ARHGEF11: variants seen among roughly 807,000 people sequenced by gnomAD.
The protein encoded by ARHGEF11 is Rho guanine exchange factor (GEF) 11.
In ARHGEF11, 55 loss-of-function variants were observed where a neutral mutation model predicts 193.7. The ratio of observed to expected loss-of-function variants is 0.28; its 90% confidence interval spans 0.23 to 0.36. The LOEUF (loss-of-function observed/expected upper bound fraction) is 0.36. Ranked by LOEUF, ARHGEF11 falls within the 10% of genes least tolerant of loss-of-function variation. ARHGEF11 has a pLI of 1.00. For synonymous variants in ARHGEF11, 693 were observed against 768.0 expected, an observed-to-expected ratio of 0.90 and a Z score of 1.62; for missense variants, 1,723 against 2,005.6, an observed-to-expected ratio of 0.86 and a Z score of 2.69.
At chr1:157,040,576 T>TC (rs1338328271) in intron 1 of ARHGEF11, among the ~76,000 whole-genome samples, 1 of 152,218 alleles carries the variant, frequency 6.6e-6, no homozygotes. Flanking sequence ...GTAACCCTTC[T>TC]CTTCTCACAT....
intron 4 of ARHGEF11, among the ~76,000 whole-genome samples, 196 bp from the exon 5 acceptor site, chr1:156,979,482 A>T (rs1464664756): frequency 6.8e-6 from 1 of 147,670 alleles, no homozygotes. Context: ...CTCCTGCCTC[A>T]GCCTCCTGAG....
chr1:156,948,579 C>T lies in ARHGEF11; in HGVS notation c.1926-81G>A. The T allele has an allele frequency of 1.2e-6, 2 of 1,612,186 alleles. No homozygotes were observed. The highest frequency in any genetic ancestry group is 1.7e-6 in the Non-Finnish European group (2 of 1,179,608). ...CATCCTGGCTAACTCTTACCTGTGG[C>T]TCCATCTCAAAGATGCCTCCGTGCC... On this transcript the variant is annotated intron_variant, in intron 22 of 40. Transcript: ENST00000368194. The surrounding 1 kb of genome is among the most constrained non-coding windows in gnomAD (Gnocchi z 4.2).
intron 31 of ARHGEF11, 98 bp downstream of exon 31, chr1:156,944,260 C>T: frequency 1.4e-6 from 2 of 1,463,012 alleles, no homozygotes; most frequent in Non-Finnish European, 1.9e-6. Flanking sequence ...CCTGAGCTAT[C>T]ACCTCCAGTC....
Position 157,045,640 on chromosome 1 carries a change from C to G in ARHGEF11, c.-1310G>C, listed in dbSNP as rs939317499. ...CTCCCGGCGCCGCTCGCCCCGCGCC[C>G]GACCGCCGTGTTCCGGCCTTCGCGG... On this transcript the variant is annotated 5_prime_UTR_variant, in exon 1 of 41. Coordinates refer to ENST00000368194, the MANE Select transcript of ARHGEF11 (RefSeq NM_198236.3). Among the ~76,000 whole-genome samples, 41 of 151,018 alleles carry G rather than the reference C, an allele frequency of 2.7e-4. No individual in the cohort carries two copies. The highest frequency in any genetic ancestry group is 5.5e-4 in the Non-Finnish European group (37 of 67,688).
At chr1:156,938,101 C>A (rs1557814001) in intron 38 of ARHGEF11, among the ~76,000 whole-genome samples, 1 of 152,196 alleles carries the variant, frequency 6.6e-6, no homozygotes, top group Non-Finnish European at 1.5e-5. Flanking sequence ...GAAGTGGCTG[C>A]TTGCATATCA....
chr1:156,942,111 C>A (rs867574217), intron 33 of ARHGEF11, 122 bp from the exon 34 acceptor site: 2 of 1,442,732 alleles, frequency 1.4e-6, no homozygotes, highest in African/African-American at 1.4e-5. Flanking sequence ...TGGCAGGTGC[C>A]CACCTCCCTG....
chr1:157,004,586 G>A (rs1384027834), intron 1 of ARHGEF11, among the ~76,000 whole-genome samples: 2 of 152,168 alleles, frequency 1.3e-5, no homozygotes, highest in Non-Finnish European at 2.9e-5. Context: ...ATAGCCGAGA[G>A]AGATGCAATG....
intron 35 of ARHGEF11, 84 bp downstream of exon 35, chr1:156,941,287 TC>T (rs1656835850): frequency 5.4e-6 from 7 of 1,304,092 alleles, no homozygotes; most frequent in Non-Finnish European, 7.8e-6. Context: ...TGATGGACTC[TC>T]CCATCGCCCC....
At chr1:156,980,313 C>T in intron 4 of ARHGEF11, 124 bp downstream of exon 4, 1 of 1,161,540 alleles carries the variant, frequency 8.6e-7, no homozygotes, top group South Asian at 1.4e-5. Context: ...GGTACCACTC[C>T]TAACTCAGTG....
chr1:157,030,505 G>A (rs1671167954), intron 1 of ARHGEF11, among the ~76,000 whole-genome samples: 1 of 152,088 alleles, frequency 6.6e-6, no homozygotes. Flanking sequence ...GAAAAACTTG[G>A]GGGACTTGAC....
chr1:156,996,948 A>G lies in ARHGEF11; in HGVS notation c.33-10775T>C, dbSNP rs532580430. On this transcript the variant is annotated intron_variant, in intron 1 of 40. Coordinates refer to ENST00000368194, the MANE Select transcript of ARHGEF11 (RefSeq NM_198236.3). ...ATGATAATAGTTCACTGAAACCTCC[A>G]GTTCCTGGTCTTATCTGATCCTTCC... Among the ~76,000 whole-genome samples the G allele has an allele frequency of 6.7e-4, 97 of 144,672 alleles. No homozygotes were observed. In the Middle Eastern group the frequency reaches 0.018, roughly 27 times the overall value. The allele number at this position is 144,672 out of a possible 152,430, so 94.9% of individuals were successfully genotyped here.
intron 2 of ARHGEF11, chr1:156,985,840 G>A: frequency 2.5e-6 from 1 of 404,818 alleles, no homozygotes; most frequent in South Asian, 2.9e-5. Context: ...TGGGTGTTCT[G>A]ACCTGCTCCA....
chr1:156,961,480 T>C (rs1387807026), intron 14 of ARHGEF11, among the ~76,000 whole-genome samples, 197 bp downstream of exon 14: 1 of 152,198 alleles, frequency 6.6e-6, no homozygotes, highest in African/African-American at 2.4e-5. Context: ...GTGTATTCTA[T>C]ATGTGGAACA....
intron 1 of ARHGEF11, among the ~76,000 whole-genome samples, chr1:157,016,344 C>T (rs191558613): frequency 0.013 from 1,966 of 151,200 alleles, 39 homozygotes; most frequent in African/African-American, 0.046. Flanking sequence ...CTCAGCCTCC[C>T]GAGTAGCTGG....
At chr1:157,046,013 C>T (rs1346397085), upstream of ARHGEF11, among the ~76,000 whole-genome samples, 1 of 151,092 alleles carries the variant, frequency 6.6e-6, no homozygotes, top group African/African-American at 2.4e-5. Context: ...GCGGCCGCGA[C>T]TCCCGCCGAC....
At position 156,951,572 on chromosome 1, in the gene ARHGEF11, C is replaced by A; in HGVS notation, c.1925+1G>T. 6.2e-7 allele frequency: 1 copy of A among 1,613,832 alleles called. No individual in the cohort carries two copies. The highest frequency in any genetic ancestry group is 8.5e-7 in the Non-Finnish European group (1 of 1,179,952). ...GGCGAGTCCCATCCAGCCAGTGCTA[C>A]CTGTCACTCTCCAGCAGGTCCTCAG... On this transcript the variant is annotated splice_donor_variant, in intron 22 of 40. Coordinates refer to ENST00000368194, the MANE Select transcript of ARHGEF11 (RefSeq NM_198236.3). LOFTEE classifies it high-confidence loss of function.
chr1:157,038,893 C>A (rs931521092), intron 1 of ARHGEF11, among the ~76,000 whole-genome samples: 1 of 152,072 alleles, frequency 6.6e-6, no homozygotes, highest in African/African-American at 2.4e-5. Context: ...GTGGCACATG[C>A]CTGTAATGCC....
At chr1:157,013,299 A>ACACACACACACACACACACCCC (rs534893600) in intron 1 of ARHGEF11, among the ~76,000 whole-genome samples, 1 of 148,624 alleles carries the variant, frequency 6.7e-6, no homozygotes, top group Admixed American at 6.7e-5. Context: ...ACACACACAC[A>ACACACACACACACACACACCCC]CCAAGAACCT....
chr1:156,992,199 T>G (rs1162887824), intron 1 of ARHGEF11, among the ~76,000 whole-genome samples: 1 of 152,236 alleles, frequency 6.6e-6, no homozygotes, highest in Non-Finnish European at 1.5e-5. Context: ...CCTATACATA[T>G]TCTTATTTTC....
Sources: allele counts gnomAD v4.1 joint callset (sites outside exome capture counted in the v4.1 genomes callset), GRCh38; gene constraint gnomAD v4.1.1; non-coding constraint Gnocchi (gnomAD v3.1); transcripts MANE v1.5; gene names NCBI Gene and HGNC (gene_info 2026-07-23, HGNC 2026-07-21).